Variants in PMFBP1 observed in about 807,000 individuals in gnomAD.
The protein encoded by PMFBP1 is polyamine-modulated factor 1-binding protein 1.
Under a neutral mutation model 137.8 loss-of-function variants are expected in PMFBP1, and 131 were observed. The ratio of observed to expected loss-of-function variants is 0.95; its 90% confidence interval spans 0.82 to 1.10. The LOEUF (loss-of-function observed/expected upper bound fraction) is 1.10, where lower values mean the gene tolerates loss of function less well. Ranked by LOEUF, PMFBP1 falls within the 50% of genes least tolerant of loss-of-function variation. PMFBP1 has a pLI of 0.00. For synonymous variants in PMFBP1, 490 were observed against 450.4 expected (o/e 1.09, Z -1.11); for missense variants, 1,199 against 1,175.4 (o/e 1.02, Z -0.29).
chr16:72,152,374 A>C (rs942274660), intron 4 of PMFBP1, among the ~76,000 whole-genome samples: 6 of 152,138 alleles, frequency 3.9e-5, no homozygotes, highest in Non-Finnish European at 1.5e-5. Flanking sequence ...GCACCTCCTA[A>C]AACACCACAT....
At chr16:72,208,755 G>A in the PMFBP1 span, among the ~76,000 whole-genome samples, 4 of 152,188 alleles carry the variant, frequency 2.6e-5, no homozygotes, top group African/African-American at 9.6e-5. Flanking sequence ...CCGCCTTAGT[G>A]TTCACTTAAA....
intron 4 of PMFBP1, among the ~76,000 whole-genome samples, chr16:72,152,958 C>T (rs369630508): frequency 1.3e-5 from 2 of 152,196 alleles, no homozygotes; most frequent in African/African-American, 4.8e-5. Flanking sequence ...AAGGATAGAC[C>T]CTTAGACCTG....
chr16:72,225,730 A>T, the PMFBP1 span, among the ~76,000 whole-genome samples: 1 of 146,224 alleles, frequency 6.8e-6, no homozygotes, highest in Admixed American at 6.8e-5. Flanking sequence ...TAATAATAAT[A>T]ATAATAATAA....
At chr16:72,168,580 C>T (rs2043178960) in intron 2 of PMFBP1, among the ~76,000 whole-genome samples, 1 of 152,200 alleles carries the variant, frequency 6.6e-6, no homozygotes, top group South Asian at 2.1e-4. Context: ...AACTGAGAGT[C>T]ATAATGTTGA....
At chr16:72,177,134 G>A (rs137878904), upstream of PMFBP1, among the ~76,000 whole-genome samples, 150 of 152,144 alleles carry the variant, frequency 9.9e-4, no homozygotes, top group Admixed American at 3.9e-3. Context: ...AATCTTTGTT[G>A]CCATTATCAT....
At chr16:72,164,548 T>G in intron 3 of PMFBP1, 1 of 1,331,550 alleles carries the variant, frequency 7.5e-7, no homozygotes, top group Non-Finnish European at 1.0e-6. Flanking sequence ...GTACATGACC[T>G]TGGAGATAGA....
chr16:72,218,814 A>G, the PMFBP1 span, among the ~76,000 whole-genome samples: 1 of 152,166 alleles, frequency 6.6e-6, no homozygotes, highest in Non-Finnish European at 1.5e-5. Flanking sequence ...CCACAGTGGT[A>G]AATAAACCTT....
At position 72,119,097 on chromosome 16, in the gene PMFBP1, T is replaced by C. The variant is rs927169597; in HGVS notation, c.*241A>G. The C allele has an allele frequency of 2.1e-6, 1 of 484,170 alleles. No individual in the cohort carries two copies. The highest frequency in any genetic ancestry group is 2.0e-5 in the African/African-American group (1 of 50,974). The allele number at this position is 484,170 out of a possible 1,614,324, so 30.0% of individuals were successfully genotyped here. On this transcript the variant is annotated 3_prime_UTR_variant, in exon 21 of 21. Coordinates refer to ENST00000237353, the MANE Select transcript of PMFBP1 (RefSeq NM_031293.3). ...GACGCCAACAGCTCACCACAACTGC[T>C]GTGCTCATGCTCATGTCTTTATTTC... is the stretch of plus-strand genomic sequence containing the variant.
At chr16:72,230,150 G>A in the PMFBP1 span, among the ~76,000 whole-genome samples, 1 of 152,148 alleles carries the variant, frequency 6.6e-6, no homozygotes, top group Non-Finnish European at 1.5e-5. Flanking sequence ...TGCTTTTACT[G>A]ACTGGTAAGG....
chr16:72,231,888 C>T, the PMFBP1 span, among the ~76,000 whole-genome samples: 1 of 99,810 alleles, frequency 1.0e-5, no homozygotes, highest in Admixed American at 1.4e-4. Context: ...AAATTTTCCT[C>T]ACAAAGATAT....
At chr16:72,119,489 A>G (rs1251967237) in intron 20 of PMFBP1, 135 bp from the exon 21 acceptor site, 29 of 1,556,676 alleles carry the variant, frequency 1.9e-5, no homozygotes, top group Non-Finnish European at 2.4e-5. Context: ...TGGAGTTTAC[A>G]GGTGGCAGGA....
In PMFBP1 at chr16:72,119,768, T is replaced by A. The variant is rs1567616902; in HGVS notation, c.3007+83A>T. On this transcript the variant is annotated intron_variant, in intron 20 of 20. Transcript: ENST00000237353. ...ATGACTTGAGGCCACAAAAGGCCTA[T>A]TTTCTTCTTCCTACTTGAATTCTCA... 1.9e-6 allele frequency: 3 copies of A among 1,555,858 alleles called. No homozygotes were observed. In the Admixed American group the frequency reaches 5.9e-5, roughly 31 times the overall value.
chr16:72,189,287 G>T, the PMFBP1 span, among the ~76,000 whole-genome samples: 1 of 152,288 alleles, frequency 6.6e-6, no homozygotes, highest in Admixed American at 6.5e-5. Context: ...ACACCATCTT[G>T]CTCCAGAGTC....
intron 2 of PMFBP1, among the ~76,000 whole-genome samples, chr16:72,167,194 T>C (rs115764686): frequency 6.0e-4 from 92 of 152,304 alleles, no homozygotes; most frequent in African/African-American, 2.2e-3. Context: ...ACGGTGAGAA[T>C]TGGACATTGC....
the PMFBP1 span, among the ~76,000 whole-genome samples, chr16:72,231,720 G>T: frequency 1.3e-5 from 2 of 152,146 alleles, no homozygotes; most frequent in African/African-American, 4.8e-5. Flanking sequence ...GATGAGGATT[G>T]CACAGATATA....
At chr16:72,184,276 ACATCT>A in the PMFBP1 span, among the ~76,000 whole-genome samples, 1 of 152,150 alleles carries the variant, frequency 6.6e-6, no homozygotes, top group Non-Finnish European at 1.5e-5. Flanking sequence ...TCCTACAATA[ACATCT>A]CCAGCACAGC....
chr16:72,204,145 T>A, the PMFBP1 span, among the ~76,000 whole-genome samples: 1 of 152,078 alleles, frequency 6.6e-6, no homozygotes, highest in Non-Finnish European at 1.5e-5. Context: ...ACTTCTCTTA[T>A]GGTGAAATGA....
intron 7 of PMFBP1, among the ~76,000 whole-genome samples, chr16:72,137,110 T>C (rs1036941805): frequency 2.6e-5 from 4 of 152,154 alleles, no homozygotes; most frequent in Non-Finnish European, 5.9e-5. Context: ...ATGAAATTTT[T>C]TTAAAAAAGA....
chr16:72,180,424 T>C (rs1017674727), upstream of PMFBP1, among the ~76,000 whole-genome samples: 1 of 152,144 alleles, frequency 6.6e-6, no homozygotes, highest in Non-Finnish European at 1.5e-5. Flanking sequence ...TCATGTCTCA[T>C]TGCCAAACCT....
Sources: gnomAD v4.1 joint callset for allele counts (sites outside exome capture counted in the v4.1 genomes callset) on GRCh38, gnomAD v4.1.1 for gene constraint, MANE v1.5 for transcripts, NCBI Gene and HGNC (gene_info 2026-07-23, HGNC 2026-07-21) for gene names.